Variants in PRKAG2 observed in about 807,000 individuals in gnomAD.
PRKAG2 encodes the protein protein kinase AMP-activated non-catalytic subunit gamma 2, also known as 5'-AMP-activated protein kinase subunit gamma-2.
Under a neutral mutation model 69.6 loss-of-function variants are expected in PRKAG2, and 26 were observed. The ratio of observed to expected loss-of-function variants is 0.37; its 90% CI spans 0.27 to 0.52. The LOEUF is 0.52. Ranked by LOEUF, PRKAG2 falls within the 20% of genes least tolerant of loss-of-function variation. The probability of loss-of-function intolerance (pLI) is 0.90; values close to 1 mark genes in which losing one functional copy is unlikely to be tolerated. For missense variants in PRKAG2, 557 were observed against 740.0 expected (o/e 0.75, Z 2.87); for synonymous variants, 293 against 285.0 (o/e 1.03, Z -0.28).
chr7:151,725,406 G>A (rs1284307431), intron 3 of PRKAG2, among the ~76,000 whole-genome samples: 1 of 152,040 alleles, frequency 6.6e-6, no homozygotes, highest in African/African-American at 2.4e-5. Flanking sequence ...AGTCAGGGTT[G>A]ATGGGCCAGA....
intron 3 of PRKAG2, among the ~76,000 whole-genome samples, chr7:151,704,455 A>C (rs1295859997): frequency 6.6e-6 from 1 of 152,110 alleles, no homozygotes; most frequent in African/African-American, 2.4e-5. Flanking sequence ...GTGGCTATAG[A>C]CTGTTTCTCC....
At chr7:151,851,715 AG>A (rs1427375182) in intron 1 of PRKAG2, among the ~76,000 whole-genome samples, 3 of 152,194 alleles carry the variant, frequency 2.0e-5, no homozygotes, top group African/African-American at 4.8e-5. Context: ...CGAATGTCTT[AG>A]AAGTGGATGC....
chr7:151,681,542 G>A (rs117332105), intron 3 of PRKAG2, among the ~76,000 whole-genome samples: 5 of 152,056 alleles, frequency 3.3e-5, no homozygotes, highest in Non-Finnish European at 2.9e-5. Context: ...ACTGATACCC[G>A]AAATGTTTTT....
chr7:151,702,946 T>C (rs745799760), intron 3 of PRKAG2, among the ~76,000 whole-genome samples: 1 of 152,174 alleles, frequency 6.6e-6, no homozygotes, highest in African/African-American at 2.4e-5. Context: ...GTAGAGTGAA[T>C]GTCAAACTGC....
At chr7:151,689,501 G>T (rs1365702720) in intron 3 of PRKAG2, among the ~76,000 whole-genome samples, 1 of 152,246 alleles carries the variant, frequency 6.6e-6, no homozygotes, top group East Asian at 1.9e-4. Flanking sequence ...ATGGGCCACA[G>T]AAGCACATTC....
At chr7:151,759,867 A>G (rs1033885692) in intron 3 of PRKAG2, among the ~76,000 whole-genome samples, 6 of 152,252 alleles carry the variant, frequency 3.9e-5, no homozygotes, top group African/African-American at 1.4e-4. Flanking sequence ...ACAGACATTC[A>G]GAAAATAAAG....
chr7:151,557,666 T>G, intron 15 of PRKAG2: 1 of 631,674 alleles, frequency 1.6e-6, no homozygotes, highest in Non-Finnish European at 2.0e-6. Context: ...GATCAGGAGT[T>G]CAAGACCAGC....
chr7:151,678,282 G>A (rs995479325), intron 3 of PRKAG2, among the ~76,000 whole-genome samples: 9 of 152,230 alleles, frequency 5.9e-5, no homozygotes, highest in African/African-American at 1.9e-4. Context: ...CTTGGGGACG[G>A]GGGTCCTGCC....
intron 3 of PRKAG2, among the ~76,000 whole-genome samples, chr7:151,707,764 C>A (rs969791839): frequency 6.6e-6 from 1 of 152,174 alleles, no homozygotes; most frequent in Non-Finnish European, 1.5e-5. Flanking sequence ...CAAGTTAAAC[C>A]GGCCAGCCAG....
rs547587162 is a variant in PRKAG2, at chr7:151,868,078, G to A, written c.114+8429C>T. Among the ~76,000 whole-genome samples, 16 of 152,298 alleles carry A rather than the reference G, an allele frequency of 1.1e-4. No homozygotes were observed. The South Asian group carries it at 3.3e-3, about 32-fold the overall frequency. ...CATTCATCAGCAGCTTCACTGCCAG[G>A]TCAGAGTATATCAAAACACAGAGGC... On this transcript the variant is annotated intron_variant, in intron 1 of 15. Transcript: ENST00000287878.
intron 2 of PRKAG2, among the ~76,000 whole-genome samples, chr7:151,782,291 GGAAA>G (rs879516902): frequency 0.11 from 9,251 of 86,844 alleles, 630 homozygotes; most frequent in South Asian, 0.21. Flanking sequence ...TCAAGAGAAA[GGAAA>G]GAAAGGAAGG....
At chr7:151,846,753 C>T (rs58351370) in intron 1 of PRKAG2, among the ~76,000 whole-genome samples, 7,584 of 152,130 alleles carry the variant, frequency 0.05, 635 homozygotes, top group East Asian at 0.38. Context: ...AAAATGAATC[C>T]CCCTCTTATA....
intron 1 of PRKAG2, among the ~76,000 whole-genome samples, chr7:151,853,181 G>A (rs1241120310): frequency 1.3e-5 from 2 of 152,192 alleles, no homozygotes; most frequent in South Asian, 2.1e-4. Context: ...AGGCCAACAA[G>A]GACTGGATGC....
At chr7:151,723,894 G>A (rs61584957) in intron 3 of PRKAG2, among the ~76,000 whole-genome samples, 3,263 of 152,208 alleles carry the variant, frequency 0.021, 89 homozygotes, top group African/African-American at 0.067. Context: ...CAGCCAACCC[G>A]CCCGTGAAGC....
At chr7:151,578,631 T>C (rs1809581618) in intron 6 of PRKAG2, among the ~76,000 whole-genome samples, 1 of 152,234 alleles carries the variant, frequency 6.6e-6, no homozygotes, top group Admixed American at 6.5e-5. Context: ...GCAGGGATTC[T>C]AGACATTAGT....
intron 2 of PRKAG2, among the ~76,000 whole-genome samples, chr7:151,782,364 G>A (rs1344268978): frequency 0.01 from 472 of 46,718 alleles, 4 homozygotes; most frequent in South Asian, 0.023. Context: ...AGGGAGGGAG[G>A]GAGGGAGGGA....
chr7:151,700,610 C>T (rs1346048625), intron 3 of PRKAG2, among the ~76,000 whole-genome samples: 1 of 152,170 alleles, frequency 6.6e-6, no homozygotes, highest in Non-Finnish European at 1.5e-5. Flanking sequence ...GATGAGGTTC[C>T]AGGTAATGCC....
chr7:151,724,287 A>C (rs1056849434), intron 3 of PRKAG2, among the ~76,000 whole-genome samples: 1 of 152,098 alleles, frequency 6.6e-6, no homozygotes, highest in African/African-American at 2.4e-5. Flanking sequence ...GTCGCTTTGC[A>C]TACAGGGCCC....
At chr7:151,708,890 G>T (rs867566282) in intron 3 of PRKAG2, among the ~76,000 whole-genome samples, 10 of 152,174 alleles carry the variant, frequency 6.6e-5, no homozygotes, top group African/African-American at 2.2e-4. Context: ...GGCACCCATG[G>T]ACAGAGCTGA....
Sources: allele counts gnomAD v4.1 joint callset (sites outside exome capture counted in the v4.1 genomes callset), GRCh38; gene constraint gnomAD v4.1.1; transcripts MANE v1.5; gene names NCBI Gene and HGNC (gene_info 2026-07-23, HGNC 2026-07-21).